The following PRKG1 variants were observed in gnomAD, a reference collection of about 807,000 sequenced individuals.
PRKG1 encodes protein kinase cGMP-dependent 1, also known as cGMP-dependent protein kinase 1.
PRKG1 carries 35 observed loss-of-function variants against 88.1 expected under a neutral mutation model. The observed-to-expected ratio is 0.40, with a 90% confidence interval of 0.30 to 0.53. The LOEUF is 0.53. Ranked by LOEUF, PRKG1 falls within the 20% of genes least tolerant of loss-of-function variation. The pLI, the probability that PRKG1 is intolerant of heterozygous loss-of-function variation, is 0.59. For missense variants in PRKG1, 540 were observed against 839.8 expected (o/e 0.64, Z 4.41); for synonymous variants, 303 against 292.5 (o/e 1.04, Z -0.37).
At chr10:52,214,023 G>A (rs940260617) in intron 9 of PRKG1, among the ~76,000 whole-genome samples, 1 of 152,068 alleles carries the variant, frequency 6.6e-6, no homozygotes, top group Non-Finnish European at 1.5e-5. Context: ...TTACGATGTG[G>A]AATAAGCCTA....
At chr10:51,005,530 T>C (rs1248292993) in intron 1 of PRKG1, among the ~76,000 whole-genome samples, 1 of 152,184 alleles carries the variant, frequency 6.6e-6, no homozygotes, top group Non-Finnish European at 1.5e-5. Context: ...GGAAATGAGA[T>C]GGTTTAGGTA....
chr10:52,274,953 A>T (rs948633440), intron 12 of PRKG1, among the ~76,000 whole-genome samples: 2 of 152,070 alleles, frequency 1.3e-5, no homozygotes, highest in Non-Finnish European at 2.9e-5. Flanking sequence ...GCATTTTTTC[A>T]TACGTTTATT....
intron 5 of PRKG1, among the ~76,000 whole-genome samples, chr10:52,004,957 T>A (rs1181061106): frequency 2.6e-5 from 4 of 152,066 alleles, no homozygotes; most frequent in Non-Finnish European, 4.4e-5. Flanking sequence ...AATATGATTT[T>A]TTAAAAATTT....
intron 6 of PRKG1, among the ~76,000 whole-genome samples, chr10:52,062,281 T>C (rs1846255180): frequency 6.6e-6 from 1 of 151,824 alleles, no homozygotes; most frequent in Admixed American, 6.6e-5. Context: ...AGATGAGGAG[T>C]GAGATCAAAT....
At chr10:51,112,904 A>G (rs1454803888) in intron 1 of PRKG1, among the ~76,000 whole-genome samples, 3 of 152,218 alleles carry the variant, frequency 2.0e-5, no homozygotes, top group Non-Finnish European at 4.4e-5. Context: ...CACTGTTAGC[A>G]TATTATGGTG....
chr10:51,040,191 A>T (rs1843401233), intron 1 of PRKG1, among the ~76,000 whole-genome samples: 2 of 130,944 alleles, frequency 1.5e-5, no homozygotes, highest in South Asian at 5.3e-4. Flanking sequence ...AACAATGTTG[A>T]TTCTTTCAGT....
At chr10:52,123,714 C>T (rs1255195746) in intron 7 of PRKG1, among the ~76,000 whole-genome samples, 1 of 152,084 alleles carries the variant, frequency 6.6e-6, no homozygotes, top group East Asian at 1.9e-4. Flanking sequence ...TCCAAAATTA[C>T]TAATTCAATT....
chr10:51,611,064 A>T (rs186573321), intron 3 of PRKG1, among the ~76,000 whole-genome samples: 1 of 152,276 alleles, frequency 6.6e-6, no homozygotes, highest in Admixed American at 6.5e-5. Flanking sequence ...TAAAAAAAAA[A>T]AAAGTAGTGC....
At chr10:51,378,164 A>G (rs1285727378) in intron 2 of PRKG1, among the ~76,000 whole-genome samples, 2 of 152,248 alleles carry the variant, frequency 1.3e-5, no homozygotes, top group Non-Finnish European at 2.9e-5. Context: ...AAGGAATAGT[A>G]GAATGCCTAA....
intron 4 of PRKG1, among the ~76,000 whole-genome samples, chr10:51,872,979 A>G (rs1589377509): frequency 6.6e-6 from 1 of 151,986 alleles, no homozygotes; most frequent in Admixed American, 6.6e-5. Context: ...TGTTTGTATG[A>G]CCTCTACTTC....
chr10:51,077,240 C>T (rs1005289263), intron 1 of PRKG1, among the ~76,000 whole-genome samples: 12 of 152,212 alleles, frequency 7.9e-5, no homozygotes, highest in Admixed American at 4.6e-4. Flanking sequence ...TTTGATTACA[C>T]GGACTTACTG....
chr10:51,632,273 C>A (rs554574064), intron 3 of PRKG1, among the ~76,000 whole-genome samples: 1 of 152,132 alleles, frequency 6.6e-6, no homozygotes, highest in African/African-American at 2.4e-5. Flanking sequence ...AAACAGTGAC[C>A]CCCATGTGAT....
At chr10:51,404,790 G>T (rs1183617352) in intron 2 of PRKG1, among the ~76,000 whole-genome samples, 1 of 152,074 alleles carries the variant, frequency 6.6e-6, no homozygotes, top group Non-Finnish European at 1.5e-5. Context: ...CACATTTTTG[G>T]CCATGGAGAG....
chr10:51,366,324 G>A (rs912322794), intron 2 of PRKG1, among the ~76,000 whole-genome samples: 1 of 151,862 alleles, frequency 6.6e-6, no homozygotes, highest in African/African-American at 2.4e-5. Context: ...CTTATAAGTG[G>A]ATATTAAAAA....
At chr10:51,374,308 TG>T (rs1028590764) in intron 2 of PRKG1, among the ~76,000 whole-genome samples, 2 of 149,496 alleles carry the variant, frequency 1.3e-5, no homozygotes, top group African/African-American at 4.9e-5. Context: ...GTGTTCTCAT[TG>T]TTCAACTCCC....
At chr10:51,306,988 C>T (rs1589340186) in intron 2 of PRKG1, among the ~76,000 whole-genome samples, 1 of 152,148 alleles carries the variant, frequency 6.6e-6, no homozygotes, top group East Asian at 1.9e-4. Context: ...CTGCCTTACA[C>T]ATTTCAGAAG....
intron 5 of PRKG1, among the ~76,000 whole-genome samples, chr10:51,987,247 T>C (rs957841914): frequency 6.6e-6 from 1 of 152,068 alleles, no homozygotes; most frequent in Non-Finnish European, 1.5e-5. Flanking sequence ...TGGGTACATA[T>C]GTTCAATGAT....
intron 2 of PRKG1, among the ~76,000 whole-genome samples, chr10:51,446,905 T>C (rs956671088): frequency 6.6e-6 from 1 of 152,010 alleles, no homozygotes; most frequent in Admixed American, 6.6e-5. Flanking sequence ...GAGACAAACC[T>C]TTTCCTAAAT....
chr10:51,194,302 A>G (rs553964400), intron 2 of PRKG1, among the ~76,000 whole-genome samples: 1 of 151,204 alleles, frequency 6.6e-6, no homozygotes, highest in Non-Finnish European at 1.5e-5. Flanking sequence ...GGTTTGTTAC[A>G]TAGGTATACA....
Sources: allele counts gnomAD v4.1 joint callset (sites outside exome capture counted in the v4.1 genomes callset), GRCh38; gene constraint gnomAD v4.1.1; transcripts MANE v1.5; gene names NCBI Gene and HGNC (gene_info 2026-07-23, HGNC 2026-07-21).